The following ATRNL1 variants were observed in gnomAD, a reference collection of about 807,000 sequenced individuals.
ATRNL1 encodes the protein attractin like 1, also known as attractin-like protein 1.
ATRNL1 carries 95 observed loss-of-function variants against 182.7 expected under a neutral mutation model. That is an observed-to-expected ratio of 0.52 (90% confidence interval 0.44 to 0.62). ATRNL1 has a LOEUF of 0.62. ATRNL1 is among the 20% of genes least tolerant of loss of function. ATRNL1 has a pLI of 0.00. For synonymous variants in ATRNL1, 576 were observed against 568.3 expected, an observed-to-expected ratio of 1.01 and a Z score of -0.19; for missense variants, 1,471 against 1,679.5, an observed-to-expected ratio of 0.88 and a Z score of 2.17.
At chr10:115,250,569 T>C (rs1334297355) in intron 10 of ATRNL1, among the ~76,000 whole-genome samples, 1 of 152,174 alleles carries the variant, frequency 6.6e-6, no homozygotes, top group Non-Finnish European at 1.5e-5. Flanking sequence ...TCTTCCAGTA[T>C]ATGGGCTGAA....
chr10:115,907,033 A>G (rs1952524548), intron 28 of ATRNL1, among the ~76,000 whole-genome samples: 1 of 152,158 alleles, frequency 6.6e-6, no homozygotes, highest in African/African-American at 2.4e-5. Flanking sequence ...GAATTTTCAG[A>G]TTAGGGATGC....
At chr10:115,781,239 CA>C (rs1949257716) in intron 27 of ATRNL1, among the ~76,000 whole-genome samples, 1 of 152,192 alleles carries the variant, frequency 6.6e-6, no homozygotes, top group South Asian at 2.1e-4. Context: ...CCATAAATCT[CA>C]CACATTACTT....
At chr10:115,737,291 G>C (rs1476709767) in intron 27 of ATRNL1, among the ~76,000 whole-genome samples, 1 of 150,308 alleles carries the variant, frequency 6.7e-6, no homozygotes, top group Non-Finnish European at 1.5e-5. Flanking sequence ...AAAAAAAAAG[G>C]CTGGGCATGG....
chr10:115,520,754 G>C (rs992102958), intron 25 of ATRNL1, among the ~76,000 whole-genome samples: 3 of 151,976 alleles, frequency 2.0e-5, no homozygotes, highest in Non-Finnish European at 2.9e-5. Context: ...TCCATTTACA[G>C]CCCTTCAGAT....
At chr10:115,840,990 G>C (rs79351359) in intron 27 of ATRNL1, among the ~76,000 whole-genome samples, 1 of 152,078 alleles carries the variant, frequency 6.6e-6, no homozygotes, top group African/African-American at 2.4e-5. Context: ...TAGTGGTTAG[G>C]TTGCTTTTTG....
At chr10:115,922,632 G>A (rs1033405145) in intron 28 of ATRNL1, among the ~76,000 whole-genome samples, 7 of 152,034 alleles carry the variant, frequency 4.6e-5, no homozygotes, top group African/African-American at 1.4e-4. Context: ...TACTCAGCCT[G>A]GGAAGCGTGG....
chr10:115,119,082 CTTAAG>C (rs1161807505), intron 1 of ATRNL1, among the ~76,000 whole-genome samples: 1 of 152,036 alleles, frequency 6.6e-6, no homozygotes, highest in African/African-American at 2.4e-5. Flanking sequence ...GTAGAAAATG[CTTAAG>C]TTATTATTAC....
At chr10:115,532,198 G>C (rs1851636261) in intron 25 of ATRNL1, among the ~76,000 whole-genome samples, 1 of 152,044 alleles carries the variant, frequency 6.6e-6, no homozygotes, top group East Asian at 1.9e-4. Flanking sequence ...GGATGTCATT[G>C]AATCTATAAC....
intron 26 of ATRNL1, among the ~76,000 whole-genome samples, chr10:115,625,944 TA>T (rs1326487580): frequency 6.6e-6 from 1 of 152,122 alleles, no homozygotes; most frequent in Non-Finnish European, 1.5e-5. Flanking sequence ...TACCCTTACT[TA>T]AACAATCCTC....
intron 27 of ATRNL1, among the ~76,000 whole-genome samples, chr10:115,813,903 A>T (rs1950105726): frequency 1.3e-5 from 2 of 152,150 alleles, no homozygotes. Context: ...ATCATCTTGT[A>T]CCTACAAAAA....
At chr10:115,484,395 G>A (rs1554974775) in intron 24 of ATRNL1, among the ~76,000 whole-genome samples, 2 of 151,458 alleles carry the variant, frequency 1.3e-5, no homozygotes, top group Non-Finnish European at 3.0e-5. Flanking sequence ...CCAAGAATCA[G>A]TGTATTAATA....
At chr10:115,124,719 A>G (rs953000710) in intron 3 of ATRNL1, among the ~76,000 whole-genome samples, 1 of 152,154 alleles carries the variant, frequency 6.6e-6, no homozygotes, top group Non-Finnish European at 1.5e-5. Context: ...GGGGCCCACC[A>G]TGAGTCACCT....
At position 115,402,571 on chromosome 10, in the gene ATRNL1, G is replaced by T. The variant is rs1013446559; in HGVS notation, c.3269+7819G>T. Among the ~76,000 whole-genome samples, 3 of 152,158 alleles carry T rather than the reference G, an allele frequency of 2.0e-5. No individual in the cohort carries two copies. In the East Asian group the frequency reaches 5.8e-4, roughly 29 times the overall value. Reference sequence around the variant, plus strand: ...TTCTGGTGAAAAGTACATATAAATGGCACTCTTAGATATTTTGTTGGTAGA... The same window carrying T: ...TTCTGGTGAAAAGTACATATAAATGTCACTCTTAGATATTTTGTTGGTAGA... On this transcript the variant is annotated intron_variant, in intron 20 of 28. Coordinates refer to ENST00000355044, the MANE Select transcript of ATRNL1 (RefSeq NM_207303.4).
intron 26 of ATRNL1, among the ~76,000 whole-genome samples, chr10:115,696,457 G>T (rs1266518380): frequency 6.6e-6 from 1 of 152,144 alleles, no homozygotes; most frequent in Non-Finnish European, 1.5e-5. Flanking sequence ...TTAACAGAGA[G>T]ATACCCTGTC....
At chr10:115,178,135 C>G (rs2144140027) in intron 8 of ATRNL1, among the ~76,000 whole-genome samples, 1 of 151,656 alleles carries the variant, frequency 6.6e-6, no homozygotes, top group East Asian at 2.0e-4. Context: ...GTCTTGAACT[C>G]CTGAGCTCGA....
chr10:115,502,156 A>G (rs542454425), intron 24 of ATRNL1, among the ~76,000 whole-genome samples: 10 of 152,224 alleles, frequency 6.6e-5, no homozygotes, highest in African/African-American at 2.4e-4. Context: ...AGTTTTCCAT[A>G]ATTTTGGAAT....
intron 8 of ATRNL1, among the ~76,000 whole-genome samples, chr10:115,207,655 G>C (rs997308817): frequency 9.2e-5 from 14 of 151,846 alleles, no homozygotes; most frequent in Admixed American, 7.9e-4. Context: ...TAGAATTATG[G>C]GTTGGCAGTT....
chr10:115,458,922 A>G (rs1204502380), intron 21 of ATRNL1, among the ~76,000 whole-genome samples: 2 of 152,266 alleles, frequency 1.3e-5, no homozygotes, highest in African/African-American at 4.8e-5. Flanking sequence ...GGGACCCCAA[A>G]TGGAGGGACC....
At chr10:115,103,933 C>T (rs1305576311) in intron 1 of ATRNL1, among the ~76,000 whole-genome samples, 3 of 152,086 alleles carry the variant, frequency 2.0e-5, no homozygotes, top group Non-Finnish European at 4.4e-5. Flanking sequence ...TTTATTTATC[C>T]ATTCATTTCT....
Sources: allele counts gnomAD v4.1 joint callset (sites outside exome capture counted in the v4.1 genomes callset), GRCh38; gene constraint gnomAD v4.1.1; transcripts MANE v1.5; gene names NCBI Gene and HGNC (gene_info 2026-07-23, HGNC 2026-07-21).